Variants in TRPC4AP observed in about 807,000 individuals in gnomAD.
The protein encoded by TRPC4AP is short transient receptor potential channel 4-associated protein.
In TRPC4AP, 45 loss-of-function variants were observed where a neutral mutation model predicts 99.0. The ratio of observed to expected loss-of-function variants is 0.45; its 90% confidence interval spans 0.36 to 0.58. The LOEUF (loss-of-function observed/expected upper bound fraction) is 0.58, where lower values mean the gene tolerates loss of function less well. TRPC4AP is among the 20% of genes least tolerant of loss of function. The pLI, the probability that TRPC4AP is intolerant of heterozygous loss-of-function variation, is 0.00. For synonymous variants in TRPC4AP, 408 were observed against 385.8 expected, an observed-to-expected ratio of 1.06 and a Z score of -0.67; for missense variants, 879 against 985.3, an observed-to-expected ratio of 0.89 and a Z score of 1.44.
intron 3 of TRPC4AP, among the ~76,000 whole-genome samples, chr20:35,065,322 A>G (rs769793475): frequency 9.2e-5 from 14 of 152,156 alleles, no homozygotes; most frequent in Non-Finnish European, 1.6e-4. Flanking sequence ...AGCCCAAAAC[A>G]TTCCCCATAC....
intron 1 of TRPC4AP, among the ~76,000 whole-genome samples, chr20:35,082,233 G>C (rs2084666684): frequency 6.6e-6 from 1 of 151,944 alleles, no homozygotes; most frequent in Non-Finnish European, 1.5e-5. Flanking sequence ...AAATTAGTGA[G>C]AATACAGAAT....
intron 6 of TRPC4AP, among the ~76,000 whole-genome samples, chr20:35,048,449 C>T (rs2083612444): frequency 1.3e-5 from 2 of 152,082 alleles, no homozygotes; most frequent in Non-Finnish European, 2.9e-5. Context: ...AAACTCCTGA[C>T]CTCAAGAGAT....
At chr20:35,009,478 C>CA (rs11482143) in intron 12 of TRPC4AP, among the ~76,000 whole-genome samples, 58,131 of 150,668 alleles carry the variant, frequency 0.39, 12,507 homozygotes, top group East Asian at 0.58. Flanking sequence ...CCCATCTCTA[C>CA]AAAAAAAAAG....
chr20:35,050,133 T>G, intron 5 of TRPC4AP, 139 bp from the exon 6 acceptor site: 1 of 933,876 alleles, frequency 1.1e-6, no homozygotes, highest in Non-Finnish European at 1.6e-6. Flanking sequence ...TGGCATGGCT[T>G]AACTGTGGGA....
intron 6 of TRPC4AP, 75 bp downstream of exon 6, chr20:35,049,791 T>C: frequency 2.0e-6 from 3 of 1,489,434 alleles, no homozygotes; most frequent in South Asian, 1.3e-5. Context: ...AAAAGCTCTG[T>C]ATATTATTCA....
chr20:35,071,685 A>C (rs955919188), intron 2 of TRPC4AP, among the ~76,000 whole-genome samples: 5 of 152,140 alleles, frequency 3.3e-5, no homozygotes, highest in Non-Finnish European at 7.4e-5. Flanking sequence ...CCTACCATTA[A>C]ATGGACATTT....
At chr20:35,076,453 C>T (rs2084483411) in intron 2 of TRPC4AP, among the ~76,000 whole-genome samples, 1 of 152,126 alleles carries the variant, frequency 6.6e-6, no homozygotes, top group South Asian at 2.1e-4. Context: ...GTGTGGATGT[C>T]CTTTCTGTTT....
chr20:35,023,308 C>T (rs1296011041), intron 8 of TRPC4AP, among the ~76,000 whole-genome samples: 2 of 152,214 alleles, frequency 1.3e-5, no homozygotes, highest in Admixed American at 1.3e-4. Context: ...ACCATACCTA[C>T]CCCTTAATGT....
chr20:35,041,009 A>G (rs1421581925), intron 7 of TRPC4AP, among the ~76,000 whole-genome samples: 1 of 110,404 alleles, frequency 9.1e-6, no homozygotes, highest in Non-Finnish European at 2.0e-5. Flanking sequence ...TCAATGACAG[A>G]GAGGAAAATT....
At chr20:35,084,486 ATG>A (rs2084747743) in intron 1 of TRPC4AP, among the ~76,000 whole-genome samples, 2 of 119,356 alleles carry the variant, frequency 1.7e-5, no homozygotes, top group Admixed American at 2.1e-4. Flanking sequence ...ATGTGTATAT[ATG>A]TATATATCTA....
chr20:35,012,151 G>A (rs1412086145), intron 11 of TRPC4AP, among the ~76,000 whole-genome samples: 1 of 152,208 alleles, frequency 6.6e-6, no homozygotes, highest in African/African-American at 2.4e-5. Context: ...CATGCTTCCT[G>A]GAGCCCTTCT....
At chr20:35,073,506 G>A (rs374957700) in intron 2 of TRPC4AP, among the ~76,000 whole-genome samples, 28 of 152,184 alleles carry the variant, frequency 1.8e-4, no homozygotes, top group Middle Eastern at 6.8e-3. Flanking sequence ...GAATTTTGTC[G>A]AAGGCCTTTT....
At chr20:35,005,044 T>C (rs1359044652) in intron 16 of TRPC4AP, among the ~76,000 whole-genome samples, 1 of 152,170 alleles carries the variant, frequency 6.6e-6, no homozygotes, top group Non-Finnish European at 1.5e-5. Context: ...CGTCCACTAG[T>C]GTCGGAGCAA....
chr20:35,018,892 G>A (rs1336812344), intron 9 of TRPC4AP, among the ~76,000 whole-genome samples: 2 of 152,078 alleles, frequency 1.3e-5, no homozygotes, highest in East Asian at 3.9e-4. Context: ...TCCCTTGATA[G>A]AAAAGGCGAT....
chr20:35,057,616 T>C (rs1257876907), intron 3 of TRPC4AP, 45 bp from the exon 4 acceptor site: 3 of 1,486,916 alleles, frequency 2.0e-6, no homozygotes, highest in Middle Eastern at 2.0e-4. Flanking sequence ...ATTCAAAGTA[T>C]AACTTATAAA....
intron 5 of TRPC4AP, among the ~76,000 whole-genome samples, chr20:35,054,167 A>G (rs117132077): frequency 1.4e-5 from 2 of 145,106 alleles, no homozygotes; most frequent in East Asian, 4.1e-4. Flanking sequence ...TGAATGAGGC[A>G]AGAAATGAAA....
intron 1 of TRPC4AP, among the ~76,000 whole-genome samples, chr20:35,081,355 GAA>G (rs1223137324): frequency 7.2e-6 from 1 of 138,564 alleles, no homozygotes; most frequent in African/African-American, 2.6e-5. Flanking sequence ...TCTACCAAAG[GAA>G]AAAAAAAAAA....
chr20:35,044,735 A>G (rs2083520955), intron 6 of TRPC4AP, 23 bp from the exon 7 acceptor site: 1 of 1,609,886 alleles, frequency 6.2e-7, no homozygotes, highest in Non-Finnish European at 8.5e-7. Flanking sequence ...AAAATGAAAC[A>G]ATCCCCATGC....
Position 35,006,445 on chromosome 20 carries a change from G to T in TRPC4AP, c.1817C>A (p.Thr606Asn). 6.2e-7 allele frequency: 1 copy of T among 1,614,184 alleles called. No individual in the cohort carries two copies. Among genetic ancestry groups the T allele is most frequent in the Non-Finnish European group, 8.5e-7 (1 of 1,180,016 alleles). ...AFKRFNKYINTDAKFQVFLKQ... is the reference protein window; with the variant it reads ...AFKRFNKYINNDAKFQVFLKQ... ...CTGGGTTAACTTTACCTTTGCATCG[G>T]TGTTGATATATTTATTGAATCTCTT... Residue 606 changes from threonine to asparagine, a missense_variant, in exon 15 of 19, where the codon ACC (threonine) becomes AAC (asparagine). Around this residue, in one of 3 missense-constraint regions of TRPC4AP, gnomAD observed 224 missense variants for 264.7 expected, o/e 0.85. Transcript: ENST00000252015.
Sources: gnomAD v4.1 joint callset for allele counts (sites outside exome capture counted in the v4.1 genomes callset) on GRCh38, gnomAD v4.1.1 for gene constraint, gnomAD v4.1.1 regional missense constraint, MANE v1.5 for transcripts, NCBI Gene and HGNC (gene_info 2026-07-23, HGNC 2026-07-21) for gene names.